Variants in SUMF1 observed in about 807,000 individuals in gnomAD.
SUMF1 encodes formylglycine-generating enzyme.
In SUMF1, 48 loss-of-function variants were observed where a neutral mutation model predicts 47.6. That is an observed-to-expected ratio of 1.01 (90% CI 0.80 to 1.28). The LOEUF is 1.28. Among genes scored for constraint, SUMF1 ranks in the 50% most tolerant of loss-of-function variants. The probability of loss-of-function intolerance (pLI) is 0.00; values close to 1 mark genes in which losing one functional copy is unlikely to be tolerated. For missense variants in SUMF1, 571 were observed against 485.4 expected, an observed-to-expected ratio of 1.18 and a Z score of -1.66; for synonymous variants, 230 against 192.1, an observed-to-expected ratio of 1.20 and a Z score of -1.63.
At position 4,176,756 on chromosome 3, in the gene SUMF1, G is replaced by C. The variant is rs542031214; in HGVS notation, c.1015-108011C>G. 1.4e-3 allele frequency among the ~76,000 whole-genome samples: 213 copies of C among 152,194 alleles called. 2 individuals carry two copies. The highest frequency in any genetic ancestry group is 4.7e-3 in the African/African-American group (195 of 41,542). ...GACACAGACTGGCAAATTGGATAAA[G>C]AGTCAAGACCCATCAGAGTGCTGTA... On this transcript the variant is annotated intron_variant and NMD_transcript_variant, in intron 8 of 12. Transcript: ENST00000448413.
At chr3:4,063,627 A>C (rs546819886) in intron 9 of SUMF1, among the ~76,000 whole-genome samples, 3 of 149,734 alleles carry the variant, frequency 2.0e-5, no homozygotes, top group African/African-American at 7.3e-5. Context: ...CCTTCAGTCC[A>C]TGCTAGAGAC....
chr3:4,244,393 T>C (rs1228476850), intron 8 of SUMF1, among the ~76,000 whole-genome samples: 1 of 152,216 alleles, frequency 6.6e-6, no homozygotes, highest in Admixed American at 6.5e-5. Flanking sequence ...CAGTGGCTGG[T>C]ATCAGTTGTT....
intron 8 of SUMF1, among the ~76,000 whole-genome samples, chr3:4,144,231 T>A (rs1022848367): frequency 6.6e-6 from 1 of 152,042 alleles, no homozygotes; most frequent in Non-Finnish European, 1.5e-5. Context: ...TCTCCAAAAG[T>A]GCTGGAATTA....
At chr3:4,388,026 G>GA (rs1700730031) in intron 7 of SUMF1, among the ~76,000 whole-genome samples, 1 of 152,064 alleles carries the variant, frequency 6.6e-6, no homozygotes, top group Admixed American at 6.6e-5. Flanking sequence ...ATGCATAACT[G>GA]AAAAGGGGTA....
chr3:4,177,856 G>C (rs1002573958), intron 8 of SUMF1, among the ~76,000 whole-genome samples: 2 of 152,060 alleles, frequency 1.3e-5, no homozygotes, highest in African/African-American at 4.8e-5. Context: ...TGATAAAGGA[G>C]ATATCACCAC....
At chr3:4,439,301 A>T (rs1490925310) in intron 3 of SUMF1, among the ~76,000 whole-genome samples, 1 of 152,138 alleles carries the variant, frequency 6.6e-6, no homozygotes, top group East Asian at 1.9e-4. Context: ...AGGCAGGCGG[A>T]TCGCTTGAAC....
At chr3:4,102,251 C>A (rs148241030) in intron 8 of SUMF1, among the ~76,000 whole-genome samples, 145 of 152,164 alleles carry the variant, frequency 9.5e-4, no homozygotes, top group African/African-American at 3.4e-3. Context: ...TCTGAAAGAC[C>A]AGGAGGTTGT....
intron 8 of SUMF1, among the ~76,000 whole-genome samples, chr3:4,089,753 C>T (rs11928266): frequency 0.05 from 7,651 of 152,182 alleles, 526 homozygotes; most frequent in East Asian, 0.16. Context: ...CTGACTTCCC[C>T]AACCCAAATT....
In SUMF1 at chr3:4,213,539, TA is replaced by T. The variant is rs1358080529; in HGVS notation, c.1015-144795del. 9.9e-5 allele frequency among the ~76,000 whole-genome samples: 15 copies of T among 152,190 alleles called. 1 individual carries two copies. The highest frequency in any genetic ancestry group is 3.1e-4 in the African/African-American group (13 of 41,530). ...AAACAACCAGCTAGCATCATAATGG[TA>T]AGACCAAATTCACATATAACAATAT... is the stretch of plus-strand genomic sequence containing the variant. On this transcript the variant is annotated intron_variant and NMD_transcript_variant, in intron 8 of 12. Transcript: ENST00000448413.
chr3:4,053,791 C>A (rs892272029), intron 9 of SUMF1, among the ~76,000 whole-genome samples: 1 of 152,076 alleles, frequency 6.6e-6, no homozygotes. Flanking sequence ...CATTGAACAA[C>A]CGTCACTACC....
chr3:4,378,819 T>G (rs1390274789), intron 7 of SUMF1, among the ~76,000 whole-genome samples: 1 of 152,222 alleles, frequency 6.6e-6, no homozygotes, highest in African/African-American at 2.4e-5. Context: ...TATCAAATTG[T>G]GATTCAAGTC....
rs116012218 is a variant in SUMF1 at position 4,188,127 on chromosome 3, C to T, written c.1015-119382G>A. 3.8e-3 allele frequency among the ~76,000 whole-genome samples: 577 copies of T among 152,082 alleles called. 5 individuals carry two copies. The highest frequency in any genetic ancestry group is 0.013 in the African/African-American group (549 of 41,484). On this transcript the variant is annotated intron_variant and NMD_transcript_variant, in intron 8 of 12. Coordinates refer to the SUMF1 transcript ENST00000448413. Reference sequence around the variant, plus strand: ...TAGCACATGTGTACAACTGATGAACCTACACAGACACATCATAATCTCCCA... The same window carrying T: ...TAGCACATGTGTACAACTGATGAACTTACACAGACACATCATAATCTCCCA...
chr3:4,337,929 C>T lies in SUMF1; in HGVS notation c.1014+38401G>A, dbSNP rs368315988. Among the ~76,000 whole-genome samples the T allele has an allele frequency of 4.5e-4, 69 of 152,234 alleles. 1 individual carries two copies. Among genetic ancestry groups the T allele is most frequent in the African/African-American group, 1.6e-3 (66 of 41,534 alleles). On this transcript the variant is annotated intron_variant and NMD_transcript_variant, in intron 8 of 12. Coordinates refer to the SUMF1 transcript ENST00000448413. The stretch of plus-strand genomic sequence containing the variant: ...CTCCCAGTAAACCCCCAATCATAGA[C>T]ATCCTCAACTTTTTCAAGGATAAAA...
chr3:4,400,474 A>G (rs1701175400), intron 7 of SUMF1, among the ~76,000 whole-genome samples: 4 of 152,216 alleles, frequency 2.6e-5, no homozygotes, highest in Admixed American at 2.6e-4. Flanking sequence ...GTTTGCCACT[A>G]TCACACAGCA....
At chr3:4,079,139 C>T (rs769633945) in intron 8 of SUMF1, among the ~76,000 whole-genome samples, 16 of 152,026 alleles carry the variant, frequency 1.1e-4, no homozygotes, top group Admixed American at 7.2e-4. Context: ...ACACTAACCG[C>T]GAATTCAAGA....
At chr3:4,390,685 G>A (rs1700832507) in intron 7 of SUMF1, among the ~76,000 whole-genome samples, 1 of 152,038 alleles carries the variant, frequency 6.6e-6, no homozygotes, top group Non-Finnish European at 1.5e-5. Context: ...TGGGCCCAGG[G>A]GATCTTTCCA....
In SUMF1 at chr3:4,295,042, G is replaced by A. The variant is rs78997893; in HGVS notation, c.1014+81288C>T. Among the ~76,000 whole-genome samples the A allele has an allele frequency of 2.9e-4, 44 of 152,226 alleles. 1 individual carries two copies. The East Asian group carries it at 8.3e-3, about 29-fold the overall frequency. ...ATTCTTTTTACGACAAACTTTTCCT[G>A]GTTGAAATATCTAAAAATAATTATA... On this transcript the variant is annotated intron_variant and NMD_transcript_variant, in intron 8 of 12. Transcript: ENST00000448413.
At chr3:4,316,516 C>T (rs368977691) in intron 8 of SUMF1, 251 of 1,589,052 alleles carry the variant, frequency 1.6e-4, no homozygotes, top group Non-Finnish European at 2.0e-4. Context: ...AACCATTCTA[C>T]GGTCGTTCGA....
intron 8 of SUMF1, among the ~76,000 whole-genome samples, chr3:4,233,302 A>G (rs536417073): frequency 1.2e-4 from 18 of 152,240 alleles, no homozygotes; most frequent in African/African-American, 3.8e-4. Context: ...TATCTATTCC[A>G]AACCTTCCTA....
Sources: gnomAD v4.1 joint callset for allele counts (sites outside exome capture counted in the v4.1 genomes callset) on GRCh38, gnomAD v4.1.1 for gene constraint, MANE v1.5 for transcripts, NCBI Gene and HGNC (gene_info 2026-07-23, HGNC 2026-07-21) for gene names.